SLC38A6: variants seen among roughly 807,000 people sequenced by gnomAD.
SLC38A6 encodes N system amino acid transporter NAT-1.
SLC38A6 carries 73 observed loss-of-function variants against 65.0 expected under a neutral mutation model. The ratio of observed to expected loss-of-function variants is 1.12; its 90% CI spans 0.93 to 1.37. SLC38A6 has a LOEUF of 1.37. Among genes scored for constraint, SLC38A6 ranks in the 40% most tolerant of loss-of-function variants. The pLI is 0.00. For synonymous variants in SLC38A6, 183 were observed against 178.8 expected, an observed-to-expected ratio of 1.02 and a Z score of -0.19; for missense variants, 561 against 531.1, an observed-to-expected ratio of 1.06 and a Z score of -0.55.
intron 3 of SLC38A6, among the ~76,000 whole-genome samples, chr14:60,996,124 T>C (rs919532879): frequency 6.6e-6 from 1 of 152,188 alleles, no homozygotes; most frequent in African/African-American, 2.4e-5. Flanking sequence ...GTGCATGTGT[T>C]GGGGGCAGGA....
chr14:60,982,207 C>G (rs1232834631), intron 1 of SLC38A6: 4 of 483,778 alleles, frequency 8.3e-6, no homozygotes, highest in East Asian at 6.1e-5. Context: ...TCTCCCCACT[C>G]CATTCCCATC....
In SLC38A6 at chr14:61,052,349, G is replaced by A. The variant is rs1423724125; in HGVS notation, c.1291G>A (p.Ala431Thr). 4 of 1,575,094 alleles carry A rather than the reference G, an allele frequency of 2.5e-6. No homozygotes were observed. Among genetic ancestry groups the A allele is most frequent in the East Asian group, 2.3e-5 (1 of 43,190 alleles). Residue 431 changes from alanine (A) to threonine (T), a missense_variant and splice_region_variant, in exon 16 of 16, where the codon GCA (alanine) becomes ACA (threonine). By Grantham distance (58) the Ala-to-Thr change is moderately conservative. Transcript: ENST00000267488. ...EDFLSWKKLG[A>T]FVLLIFGILV... ...TTTATCTTTTTTCTTATTTCCACAG[G>A]CATTCGTTTTGCTCATCTTTGGAAT...
intron 5 of SLC38A6, among the ~76,000 whole-genome samples, chr14:61,029,831 T>C (rs1363910548): frequency 6.6e-6 from 1 of 152,212 alleles, no homozygotes; most frequent in Non-Finnish European, 1.5e-5. Flanking sequence ...ATGGTTTATA[T>C]TGAACTTTCT....
intron 15 of SLC38A6, among the ~76,000 whole-genome samples, chr14:61,074,269 G>A (rs543673434): frequency 2.6e-5 from 4 of 152,322 alleles, no homozygotes; most frequent in African/African-American, 9.6e-5. Context: ...AAGTAAAGTT[G>A]AAAATTATTT....
intron 3 of SLC38A6, among the ~76,000 whole-genome samples, chr14:60,990,651 G>A (rs532691414): frequency 2.0e-5 from 3 of 151,476 alleles, no homozygotes; most frequent in South Asian, 4.2e-4. Flanking sequence ...ATTTTTTTTC[G>A]AGATAGTGTC....
At chr14:61,026,185 G>A (rs2040601274) in intron 5 of SLC38A6, among the ~76,000 whole-genome samples, 1 of 152,058 alleles carries the variant, frequency 6.6e-6, no homozygotes, top group Non-Finnish European at 1.5e-5. Flanking sequence ...ACGACAACTT[G>A]GGAAGCATTT....
chr14:61,045,939 C>A, intron 11 of SLC38A6, 128 bp from the exon 12 acceptor site: 1 of 566,064 alleles, frequency 1.8e-6, no homozygotes, highest in South Asian at 2.7e-5. Context: ...CGAATGAGGA[C>A]TTCTAGTGTA....
chr14:61,005,949 A>G (rs1450251667), intron 3 of SLC38A6, among the ~76,000 whole-genome samples: 1 of 152,178 alleles, frequency 6.6e-6, no homozygotes, highest in African/African-American at 2.4e-5. Flanking sequence ...TACAGTAACC[A>G]AAACAGCATG....
chr14:61,073,468 T>C (rs533984695), intron 15 of SLC38A6, among the ~76,000 whole-genome samples: 141 of 152,266 alleles, frequency 9.3e-4, no homozygotes, highest in Non-Finnish European at 1.5e-3. Flanking sequence ...ATTTAACCCA[T>C]AGCAGACACC....
Position 61,050,515 on chromosome 14 carries a change from A to G in SLC38A6, c.929A>G (p.Lys310Arg). 6.6e-7 allele frequency: 1 copy of G among 1,513,548 alleles called. No homozygotes were observed. The highest frequency in any genetic ancestry group is 9.0e-7 in the Non-Finnish European group (1 of 1,106,226). 93.8% of individuals were successfully genotyped at this position (1,513,548 alleles called of 1,614,324 possible). ...ATCCTTATTATTTTATTTACAGACAAAGTGGAGTCAGAATTACTAAAAGGT... is the reference window on the plus strand; with the variant it reads ...ATCCTTATTATTTTATTTACAGACAGAGTGGAGTCAGAATTACTAAAAGGT... Reference protein sequence around the residue: ...ALFGYLTFYDKVESELLKGYS... With the variant: ...ALFGYLTFYDRVESELLKGYS... Residue 310 changes from lysine (K) to arginine (R), a missense_variant, in exon 13 of 16, where the codon AAA (lysine) becomes AGA (arginine). Physicochemically the swap from Lys to Arg is conservative, Grantham distance 26. Transcript: ENST00000267488.
intron 3 of SLC38A6, among the ~76,000 whole-genome samples, chr14:61,002,565 CAG>C (rs1018378587): frequency 3.9e-5 from 6 of 152,044 alleles, no homozygotes; most frequent in African/African-American, 1.4e-4. Context: ...AAATGCAAAA[CAG>C]AACACTGGAA....
chr14:61,021,735 A>C (rs1420830099), intron 5 of SLC38A6, among the ~76,000 whole-genome samples: 1 of 152,344 alleles, frequency 6.6e-6, no homozygotes, highest in Non-Finnish European at 1.5e-5. Context: ...TTTAGTTTTT[A>C]GAATGATATC....
chr14:61,011,920 C>G (rs1322857684), intron 3 of SLC38A6, among the ~76,000 whole-genome samples: 8 of 152,174 alleles, frequency 5.3e-5, no homozygotes, highest in African/African-American at 1.7e-4. Context: ...GGAGGATTCC[C>G]TCTTTTTCTA....
exon 16 of SLC38A6, chr14:61,078,844 G>A (rs148177399): frequency 2.9e-4 from 62 of 215,656 alleles, no homozygotes; most frequent in Non-Finnish European, 4.8e-4. Flanking sequence ...GCGTGCAGTG[G>A]TGTGATCTCA....
At chr14:61,050,446 A>G (rs2042440921) in intron 12 of SLC38A6, 66 bp from the exon 13 acceptor site, 3 of 1,152,288 alleles carry the variant, frequency 2.6e-6, no homozygotes, top group African/African-American at 1.6e-5. Flanking sequence ...AGTGCAAAGG[A>G]AAACAATTTT....
At chr14:61,025,547 T>C (rs967246423) in intron 5 of SLC38A6, among the ~76,000 whole-genome samples, 3 of 152,300 alleles carry the variant, frequency 2.0e-5, no homozygotes, top group African/African-American at 7.2e-5. Flanking sequence ...CACAAGCACT[T>C]CATTTGACAA....
intron 3 of SLC38A6, among the ~76,000 whole-genome samples, chr14:61,012,832 G>C (rs983744301): frequency 7.9e-5 from 12 of 152,142 alleles, no homozygotes; most frequent in Non-Finnish European, 1.8e-4. Flanking sequence ...AATAGGTGTG[G>C]TGTGGTGCTG....
intron 16 of SLC38A6, among the ~76,000 whole-genome samples, chr14:61,083,123 T>C (rs1681855282): frequency 6.6e-6 from 1 of 152,210 alleles, no homozygotes; most frequent in Non-Finnish European, 1.5e-5. Context: ...GTTCACCTAG[T>C]GGACTGTAGC....
intron 3 of SLC38A6, among the ~76,000 whole-genome samples, chr14:61,001,077 T>A (rs574683500): frequency 7.4e-4 from 113 of 152,324 alleles, no homozygotes; most frequent in Admixed American, 4.1e-3. Context: ...CTCATCCTTC[T>A]TATTAATGAG....
Sources: gnomAD v4.1 joint callset for allele counts (sites outside exome capture counted in the v4.1 genomes callset) on GRCh38, gnomAD v4.1.1 for gene constraint, MANE v1.5 for transcripts, NCBI Gene and HGNC (gene_info 2026-07-23, HGNC 2026-07-21) for gene names.